Variants in ZNF713 observed in about 807,000 individuals in gnomAD.
ZNF713 encodes zinc finger protein 713.
A neutral mutation model predicts 28.7 loss-of-function variants in ZNF713; 21 were observed. The observed-to-expected ratio is 0.73, with a 90% CI of 0.52 to 1.05. The LOEUF is 1.05. Ranked by LOEUF, ZNF713 falls within the 50% of genes least tolerant of loss-of-function variation. The probability of loss-of-function intolerance (pLI) is 0.00; values close to 1 mark genes in which losing one functional copy is unlikely to be tolerated. For synonymous variants in ZNF713, 167 were observed against 178.0 expected (o/e 0.94, Z 0.49); for missense variants, 458 against 532.4 (o/e 0.86, Z 1.37).
rs77928901 is a variant in ZNF713 at position 55,913,065 on chromosome 7, C to G, written c.87+342C>G. Among the ~76,000 whole-genome samples the G allele has an allele frequency of 2.9e-3, 439 of 152,192 alleles. 8 individuals are homozygous for G. The South Asian group carries it at 0.041, about 14-fold the overall frequency. On this transcript the variant is annotated intron_variant, in intron 4 of 6. Coordinates refer to ENST00000429591, the MANE Select transcript of ZNF713 (RefSeq NM_182633.3). ...TCTGTGTAAACACAGTGACTGATGCCGAGGCCCCTAGGACTGCTTGGAGCT... is the reference window on the plus strand; with the variant it reads ...TCTGTGTAAACACAGTGACTGATGCGGAGGCCCCTAGGACTGCTTGGAGCT...
chr7:55,931,361 TTCTG>T (rs1342033272), intron 6 of ZNF713, among the ~76,000 whole-genome samples: 2 of 152,202 alleles, frequency 1.3e-5, no homozygotes, highest in African/African-American at 2.4e-5. Flanking sequence ...CTCTGACATT[TTCTG>T]TCTTTTTTTA....
chr7:55,895,553 C>T (rs576262042), intron 1 of ZNF713, among the ~76,000 whole-genome samples: 2 of 140,680 alleles, frequency 1.4e-5, no homozygotes, highest in South Asian at 4.6e-4. Flanking sequence ...ACTGTAACCT[C>T]CATCTCCTGG....
At chr7:55,896,614 C>T (rs943265565) in intron 1 of ZNF713, among the ~76,000 whole-genome samples, 2 of 124,508 alleles carry the variant, frequency 1.6e-5, no homozygotes, top group African/African-American at 2.9e-5. Flanking sequence ...TATATATATA[C>T]ACACACATAA....
chr7:55,926,185 C>G lies in ZNF713; in HGVS notation c.307+2486C>G, dbSNP rs12671316. ...ATTAGCCAGGCATGGTGGCGGATGC[C>G]TGGAATCCCAGCTACTCGGGAGGCG... On this transcript the variant is annotated intron_variant, in intron 6 of 6. Transcript: ENST00000429591. Among the ~76,000 whole-genome samples, 238 of 152,200 alleles carry G rather than the reference C, an allele frequency of 1.6e-3. 5 individuals are homozygous for G. The East Asian group carries it at 0.041, about 26-fold the overall frequency.
At chr7:55,896,396 T>C (rs1398570670) in intron 1 of ZNF713, among the ~76,000 whole-genome samples, 1 of 152,246 alleles carries the variant, frequency 6.6e-6, no homozygotes, top group Non-Finnish European at 1.5e-5. Context: ...AGGGTATGAG[T>C]TAGGAACTCT....
chr7:55,924,077 A>G (rs931419014), intron 6 of ZNF713: 1 of 153,754 alleles, frequency 6.5e-6, no homozygotes, highest in East Asian at 1.9e-4. Flanking sequence ...CCGAGAAGAA[A>G]TTTTTTAAAA....
rs116380941 is a variant in ZNF713 at position 55,919,411 on chromosome 7, G to A, written c.88-3751G>A. 3.9e-3 allele frequency among the ~76,000 whole-genome samples: 586 copies of A among 150,290 alleles called. 4 individuals are homozygous for A. Among genetic ancestry groups the A allele is most frequent in the African/African-American group, 0.013 (548 of 41,168 alleles). On this transcript the variant is annotated intron_variant, in intron 4 of 6. Coordinates refer to ENST00000429591, the MANE Select transcript of ZNF713 (RefSeq NM_182633.3). Reference sequence around the variant, plus strand: ...GCAGTCTCACAGGGAACCCAAAGGAGAGAATGGCTGATCTCAAAGAGATTT... The same window carrying A: ...GCAGTCTCACAGGGAACCCAAAGGAAAGAATGGCTGATCTCAAAGAGATTT...
intron 6 of ZNF713, among the ~76,000 whole-genome samples, chr7:55,935,492 A>G (rs1786326938): frequency 6.6e-6 from 1 of 152,144 alleles, no homozygotes; most frequent in African/African-American, 2.4e-5. Flanking sequence ...ATACATACAC[A>G]TAGTTACTCA....
At chr7:55,929,200 A>G (rs1458770395) in intron 6 of ZNF713, among the ~76,000 whole-genome samples, 1 of 152,176 alleles carries the variant, frequency 6.6e-6, no homozygotes, top group African/African-American at 2.4e-5. Context: ...TAAAGTTCAT[A>G]TGGAAAATCC....
chr7:55,917,189 G>C (rs573155341), intron 4 of ZNF713, among the ~76,000 whole-genome samples: 1 of 151,650 alleles, frequency 6.6e-6, no homozygotes, highest in South Asian at 2.1e-4. Flanking sequence ...ACTCCAGCCT[G>C]GGCGACAGAG....
chr7:55,893,248 CAT>C (rs1175713278), intron 1 of ZNF713, among the ~76,000 whole-genome samples: 1 of 152,088 alleles, frequency 6.6e-6, no homozygotes, highest in African/African-American at 2.4e-5. Flanking sequence ...TACAGGGAAA[CAT>C]AAACATAAAC....
chr7:55,940,007 CTT>C lies in ZNF713; in HGVS notation c.*2_*3del. On this transcript the variant is annotated 3_prime_UTR_variant, in exon 7 of 7. Coordinates refer to ENST00000429591, the MANE Select transcript of ZNF713 (RefSeq NM_182633.3). ...CAGTCCTTCATTTAGCAGCACATAA[CTT>C]ATGGTGGGGGAAATCAGATAAATAT... 1 of 1,554,756 alleles carries C rather than the reference CTT, an allele frequency of 6.4e-7. No homozygotes were observed. Among genetic ancestry groups the C allele is most frequent in the East Asian group, 2.3e-5 (1 of 44,150 alleles).
intron 1 of ZNF713, among the ~76,000 whole-genome samples, chr7:55,892,992 C>A (rs1401169954): frequency 6.6e-6 from 1 of 151,238 alleles, no homozygotes; most frequent in Non-Finnish European, 1.5e-5. Context: ...ACGCCATTCT[C>A]TTGCCTCAGC....
chr7:55,898,767 A>G (rs558169164), intron 1 of ZNF713, among the ~76,000 whole-genome samples: 98 of 152,216 alleles, frequency 6.4e-4, no homozygotes, highest in Non-Finnish European at 1.3e-3. Context: ...TCCTGAATAG[A>G]CATTCTCATT....
intron 1 of ZNF713, among the ~76,000 whole-genome samples, chr7:55,891,853 G>T (rs957264670): frequency 2.4e-4 from 36 of 151,566 alleles, no homozygotes; most frequent in Non-Finnish European, 1.5e-5. Context: ...AATCAGGAGA[G>T]AAAAAAGATT....
intron 6 of ZNF713, among the ~76,000 whole-genome samples, chr7:55,927,341 C>A (rs1038083354): frequency 2.0e-5 from 3 of 151,982 alleles, no homozygotes; most frequent in Non-Finnish European, 4.4e-5. Context: ...GCCTGGGCAA[C>A]ATAGTGAGAC....
chr7:55,909,971 A>ATG (rs71015122), intron 2 of ZNF713, among the ~76,000 whole-genome samples: 8,369 of 146,726 alleles, frequency 0.057, 326 homozygotes, highest in East Asian at 0.23. Flanking sequence ...ATATACGTTT[A>ATG]TGTGTGTGTG....
At chr7:55,899,356 C>CAAA (rs71015114) in intron 1 of ZNF713, among the ~76,000 whole-genome samples, 5 of 68,922 alleles carry the variant, frequency 7.3e-5, no homozygotes, top group Admixed American at 2.5e-4. Context: ...GATTCCATCT[C>CAAA]AAAAAAAAAA....
intron 6 of ZNF713, among the ~76,000 whole-genome samples, chr7:55,928,448 G>T (rs1786144053): frequency 6.6e-6 from 1 of 152,198 alleles, no homozygotes; most frequent in Admixed American, 6.5e-5. Flanking sequence ...GACCAAGGGA[G>T]AGTCAAAGAA....
Sources: allele counts gnomAD v4.1 joint callset (sites outside exome capture counted in the v4.1 genomes callset), GRCh38; gene constraint gnomAD v4.1.1; transcripts MANE v1.5; gene names NCBI Gene and HGNC (gene_info 2026-07-23, HGNC 2026-07-21).